CTNNA3: variants seen among roughly 807,000 people sequenced by gnomAD.
The protein encoded by CTNNA3 is catenin alpha 3, also known as catenin alpha-3.
In CTNNA3, 76 loss-of-function variants were observed where a neutral mutation model predicts 95.7. The observed-to-expected ratio is 0.79, with a 90% CI of 0.66 to 0.96. The LOEUF is 0.96. CTNNA3 is among the 40% of genes least tolerant of loss of function. The probability of loss-of-function intolerance (pLI) is 0.00; values close to 1 mark genes in which losing one functional copy is unlikely to be tolerated. For synonymous variants in CTNNA3, 431 were observed against 374.4 expected (o/e 1.15, Z -1.74); for missense variants, 1,191 against 1,089.8 (o/e 1.09, Z -1.31).
chr10:67,437,768 AAG>A (rs1384393240), intron 5 of CTNNA3, among the ~76,000 whole-genome samples: 4 of 151,926 alleles, frequency 2.6e-5, no homozygotes, highest in Non-Finnish European at 5.9e-5. Flanking sequence ...AATAGGAAAA[AAG>A]AGCTGTTTTA....
chr10:66,763,588 G>T (rs1393739491), intron 9 of CTNNA3, among the ~76,000 whole-genome samples: 1 of 152,078 alleles, frequency 6.6e-6, no homozygotes, highest in Admixed American at 6.6e-5. Context: ...GAAGAGTAGT[G>T]ACCACAAATA....
chr10:66,587,687 A>G (rs1843406582), intron 10 of CTNNA3, among the ~76,000 whole-genome samples: 1 of 152,154 alleles, frequency 6.6e-6, no homozygotes, highest in African/African-American at 2.4e-5. Context: ...AAGCAGCAGT[A>G]AGCCCCACTC....
intron 7 of CTNNA3, among the ~76,000 whole-genome samples, chr10:67,016,300 G>A (rs987339786): frequency 2.6e-5 from 4 of 152,186 alleles, no homozygotes; most frequent in Non-Finnish European, 5.9e-5. Flanking sequence ...CACTATTTCA[G>A]CTTACGAACT....
chr10:66,801,618 A>G (rs1351336628), intron 7 of CTNNA3, among the ~76,000 whole-genome samples: 2 of 151,738 alleles, frequency 1.3e-5, no homozygotes, highest in East Asian at 3.9e-4. Flanking sequence ...AGTCAAATAA[A>G]TAGATCCCTA....
intron 15 of CTNNA3, among the ~76,000 whole-genome samples, chr10:66,054,573 T>C (rs1230178633): frequency 6.6e-6 from 1 of 152,178 alleles, no homozygotes; most frequent in African/African-American, 2.4e-5. Flanking sequence ...GATTGGATTG[T>C]TCTTTTCCTA....
chr10:67,046,844 G>C (rs995346428), intron 7 of CTNNA3, among the ~76,000 whole-genome samples: 1 of 152,092 alleles, frequency 6.6e-6, no homozygotes, highest in Non-Finnish European at 1.5e-5. Context: ...AGGACTTTTT[G>C]GGTGAGTAGA....
chr10:66,837,672 T>G (rs527244333), intron 7 of CTNNA3: 1 of 152,190 alleles, frequency 6.6e-6, no homozygotes, highest in East Asian at 1.9e-4. Flanking sequence ...GCAAAATGGG[T>G]TTCCTGTCAG....
chr10:67,444,795 A>G (rs1846675874), intron 5 of CTNNA3, among the ~76,000 whole-genome samples: 1 of 152,114 alleles, frequency 6.6e-6, no homozygotes, highest in Non-Finnish European at 1.5e-5. Flanking sequence ...TGGAAAATCT[A>G]AAGGAAATGG....
intron 10 of CTNNA3, among the ~76,000 whole-genome samples, chr10:66,588,147 G>A (rs1843422862): frequency 6.6e-6 from 1 of 151,824 alleles, no homozygotes. Flanking sequence ...CCCATCACTC[G>A]CTAAATCAGC....
intron 5 of CTNNA3, among the ~76,000 whole-genome samples, chr10:67,389,577 A>G (rs1844364576): frequency 6.6e-6 from 1 of 150,848 alleles, no homozygotes; most frequent in Non-Finnish European, 1.5e-5. Context: ...CATCTACAGA[A>G]CTCTCCACCC....
At chr10:67,324,458 A>G (rs1841458612) in intron 5 of CTNNA3, among the ~76,000 whole-genome samples, 1 of 152,164 alleles carries the variant, frequency 6.6e-6, no homozygotes, top group Non-Finnish European at 1.5e-5. Flanking sequence ...GGAATGTTGA[A>G]TTTATCAAAA....
At chr10:67,205,017 T>C (rs993898239) in intron 6 of CTNNA3, among the ~76,000 whole-genome samples, 1 of 152,206 alleles carries the variant, frequency 6.6e-6, no homozygotes, top group African/African-American at 2.4e-5. Context: ...TCCAGAATAA[T>C]GGCTGGTAAT....
intron 6 of CTNNA3, among the ~76,000 whole-genome samples, chr10:67,192,409 TATA>T (rs992068397): frequency 9.9e-5 from 15 of 151,576 alleles, no homozygotes; most frequent in African/African-American, 1.9e-4. Flanking sequence ...TCAATAACAA[TATA>T]ATAATAATAA....
chr10:66,695,919 G>GA (rs559365392), intron 9 of CTNNA3, among the ~76,000 whole-genome samples: 1 of 142,090 alleles, frequency 7.0e-6, no homozygotes, highest in Non-Finnish European at 1.5e-5. Context: ...AGACGTAAGG[G>GA]GGGGGGGCAA....
intron 13 of CTNNA3, among the ~76,000 whole-genome samples, chr10:66,189,272 CAAAAA>C (rs36036764): frequency 7.9e-6 from 1 of 126,452 alleles, no homozygotes; most frequent in African/African-American, 2.8e-5. Flanking sequence ...GGAGTTCTAT[CAAAAA>C]AAAAAAAAAA....
chr10:66,734,062 C>T (rs1849049817), intron 9 of CTNNA3, among the ~76,000 whole-genome samples: 2 of 151,694 alleles, frequency 1.3e-5, no homozygotes, highest in South Asian at 4.2e-4. Context: ...AAGATGTTAA[C>T]CAATATTTTT....
At chr10:66,725,676 G>T (rs1848759304) in intron 9 of CTNNA3, among the ~76,000 whole-genome samples, 1 of 152,038 alleles carries the variant, frequency 6.6e-6, no homozygotes, top group Non-Finnish European at 1.5e-5. Flanking sequence ...CAGATATGAA[G>T]ATTCAAATAT....
At chr10:65,969,263 G>T (rs2078045499) in intron 16 of CTNNA3, among the ~76,000 whole-genome samples, 1 of 151,946 alleles carries the variant, frequency 6.6e-6, no homozygotes, top group African/African-American at 2.4e-5. Flanking sequence ...AGTATTATAG[G>T]GAAAGAAAAG....
chr10:66,403,326 A>G (rs1178813693), intron 11 of CTNNA3, among the ~76,000 whole-genome samples: 4 of 152,092 alleles, frequency 2.6e-5, no homozygotes, highest in African/African-American at 9.7e-5. Flanking sequence ...TTACACCTCT[A>G]TAAAGACATA....
Sources: allele counts gnomAD v4.1 joint callset (sites outside exome capture counted in the v4.1 genomes callset), GRCh38; gene constraint gnomAD v4.1.1; transcripts MANE v1.5; gene names NCBI Gene and HGNC (gene_info 2026-07-23, HGNC 2026-07-21).